The following NHSL1 variants were observed in gnomAD, a reference collection of about 807,000 sequenced individuals.
NHSL1 encodes NHS-like protein 1.
Under a neutral mutation model 95.0 loss-of-function variants are expected in NHSL1, and 48 were observed. The observed-to-expected ratio is 0.51, with a 90% CI of 0.40 to 0.64. The LOEUF (loss-of-function observed/expected upper bound fraction) is 0.64. NHSL1 is among the 30% of genes least tolerant of loss of function. The probability of loss-of-function intolerance (pLI) is 0.00; values close to 1 mark genes in which losing one functional copy is unlikely to be tolerated. For missense variants in NHSL1, 1,971 were observed against 2,077.7 expected, an observed-to-expected ratio of 0.95 and a Z score of 1.00; for synonymous variants, 783 against 833.9, an observed-to-expected ratio of 0.94 and a Z score of 1.05.
At chr6:138,481,031 G>A (rs1032560062) in intron 2 of NHSL1, among the ~76,000 whole-genome samples, 6 of 151,952 alleles carry the variant, frequency 3.9e-5, no homozygotes, top group African/African-American at 1.5e-4. Context: ...TTAATAACAG[G>A]GTAAAAGGCC....
chr6:138,540,729 T>C (rs190582759), intron 1 of NHSL1, among the ~76,000 whole-genome samples: 1 of 152,314 alleles, frequency 6.6e-6, no homozygotes, highest in Non-Finnish European at 1.5e-5. Context: ...TCTTTGCTAT[T>C]ATTAGACAAC....
intron 5 of NHSL1, among the ~76,000 whole-genome samples, chr6:138,434,999 C>T (rs886546105): frequency 3.9e-5 from 6 of 152,084 alleles, no homozygotes; most frequent in Admixed American, 1.3e-4. Flanking sequence ...GTATTTTTAG[C>T]GAAGATGATC....
chr6:138,641,531 G>A (rs1784959072), intron 1 of NHSL1, among the ~76,000 whole-genome samples: 1 of 150,838 alleles, frequency 6.6e-6, no homozygotes, highest in African/African-American at 2.5e-5. Flanking sequence ...GCTGATGCAG[G>A]AGAATCGCTT....
rs865775292 is a variant in NHSL1, at chr6:138,684,385, A to T, written c.96+8091T>A. Among the ~76,000 whole-genome samples, 9 of 151,890 alleles carry T rather than the reference A, an allele frequency of 5.9e-5. No homozygotes were observed. In the East Asian group the frequency reaches 9.7e-4, roughly 16 times the overall value. ...GGAGGCCTGTGGGCGCGGTGACTCA[A>T]GCCTGTAATCCCAGCACTTTGGGAG... On this transcript the variant is annotated intron_variant, in intron 1 of 3. Transcript: ENST00000491526.
At chr6:138,459,698 G>T (rs977239541) in intron 3 of NHSL1, among the ~76,000 whole-genome samples, 14 of 152,114 alleles carry the variant, frequency 9.2e-5, no homozygotes, top group African/African-American at 3.4e-4. Context: ...ATTAAAAATT[G>T]TTGGATTTGG....
At chr6:138,497,723 A>T (rs779930450) in intron 1 of NHSL1, among the ~76,000 whole-genome samples, 1 of 152,178 alleles carries the variant, frequency 6.6e-6, no homozygotes, top group Non-Finnish European at 1.5e-5. Flanking sequence ...CGAGGCCCCA[A>T]ACTTTGAACT....
Position 138,432,212 on chromosome 6 carries a change from G to A in NHSL1, c.2133C>T (p.Ser711=). 1.9e-6 allele frequency: 3 copies of A among 1,546,762 alleles called. No individual in the cohort carries two copies. The highest frequency in any genetic ancestry group is 1.2e-5 in the South Asian group (1 of 83,582). ...GCGAGCTGCCACTCTTGCCTGGGAG[G>A]CTCAGCTGCAGCGAGTGCTGGAGTG... ...IATLQHSLQL[S]LPGKSGSSPS... is the part of the protein sequence containing the mutation. Residue 711 remains serine, a synonymous_variant, in exon 6 of 8, where the codon AGC becomes AGT. Transcript: ENST00000343505. The surrounding 1 kb of genome is among the most constrained non-coding windows in gnomAD (Gnocchi z 4.4).
chr6:138,488,480 T>C (rs1488526912), intron 2 of NHSL1, among the ~76,000 whole-genome samples: 1 of 152,330 alleles, frequency 6.6e-6, no homozygotes, highest in East Asian at 1.9e-4. Context: ...TTTAAGTCTA[T>C]TGAGTTACTA....
upstream of NHSL1, among the ~76,000 whole-genome samples, chr6:138,503,277 G>A (rs1454875644): frequency 4.6e-5 from 7 of 152,022 alleles, no homozygotes; most frequent in East Asian, 3.9e-4. Context: ...CTCCTTCTCC[G>A]AATTCCAACA....
At chr6:138,521,285 C>T (rs1425301526) in intron 1 of NHSL1, among the ~76,000 whole-genome samples, 1 of 152,030 alleles carries the variant, frequency 6.6e-6, no homozygotes, top group Non-Finnish European at 1.5e-5. Flanking sequence ...CATAGTGAGA[C>T]CCCCATCTCT....
chr6:138,434,752 C>T (rs558745654), intron 5 of NHSL1, among the ~76,000 whole-genome samples: 10 of 152,282 alleles, frequency 6.6e-5, no homozygotes, highest in African/African-American at 2.2e-4. Flanking sequence ...TCAGTGGACA[C>T]CTGGATGCGA....
intron 1 of NHSL1, among the ~76,000 whole-genome samples, chr6:138,622,231 G>A (rs1784673400): frequency 6.6e-6 from 1 of 152,296 alleles, no homozygotes; most frequent in African/African-American, 2.4e-5. Context: ...GGCCGGGCGT[G>A]GTGGCTCATG....
At chr6:138,663,700 T>C (rs1204550264) in intron 1 of NHSL1, among the ~76,000 whole-genome samples, 1 of 151,976 alleles carries the variant, frequency 6.6e-6, no homozygotes, top group Non-Finnish European at 1.5e-5. Context: ...TGAAACCCCA[T>C]CTCTACTAAA....
At chr6:138,645,564 G>A (rs947854598) in intron 1 of NHSL1, among the ~76,000 whole-genome samples, 4 of 149,802 alleles carry the variant, frequency 2.7e-5, no homozygotes, top group African/African-American at 4.9e-5. Context: ...CTGGAGTGCA[G>A]CAGTGTGATC....
At chr6:138,437,231 G>C (rs1299260460) in intron 5 of NHSL1, among the ~76,000 whole-genome samples, 1 of 147,394 alleles carries the variant, frequency 6.8e-6, no homozygotes, top group African/African-American at 2.5e-5. Context: ...CTGAGATCGC[G>C]CCATTGCACT....
intron 3 of NHSL1, among the ~76,000 whole-genome samples, chr6:138,469,056 T>C (rs1778579536): frequency 6.6e-6 from 1 of 152,162 alleles, no homozygotes; most frequent in African/African-American, 2.4e-5. Flanking sequence ...GTGAGGAGTG[T>C]TTCTGGGTCC....
chr6:138,687,701 T>A lies in NHSL1; in HGVS notation c.96+4775A>T, dbSNP rs1044894259. 2.0e-5 allele frequency among the ~76,000 whole-genome samples: 3 copies of A among 152,190 alleles called. No homozygotes were observed. The East Asian group carries it at 5.8e-4, about 29-fold the overall frequency. ...CTTAATTATAAAAAGAAACAAATTA[T>A]GAACTTCGAAAAGTTCACTGTGCTA... On this transcript the variant is annotated intron_variant, in intron 1 of 3. Transcript: ENST00000491526.
At chr6:138,454,957 C>A (rs186373779) in intron 3 of NHSL1, among the ~76,000 whole-genome samples, 1 of 152,310 alleles carries the variant, frequency 6.6e-6, no homozygotes, top group East Asian at 1.9e-4. Context: ...GTCCATTAAT[C>A]TAGAAGAGAA....
chr6:138,502,478 GA>G (rs1176537828), upstream of NHSL1, among the ~76,000 whole-genome samples: 1,884 of 142,328 alleles, frequency 0.013, 11 homozygotes, highest in Middle Eastern at 0.033. Context: ...GACAGTGGCG[GA>G]AAAAAAAAAA....
Sources: gnomAD v4.1 joint callset for allele counts (sites outside exome capture counted in the v4.1 genomes callset) on GRCh38, gnomAD v4.1.1 for gene constraint, Gnocchi (gnomAD v3.1) non-coding constraint, MANE v1.5 for transcripts, NCBI Gene and HGNC (gene_info 2026-07-23, HGNC 2026-07-21) for gene names.